The following EPB41L3 variants were observed in gnomAD, a reference collection of about 807,000 sequenced individuals.
The protein encoded by EPB41L3 is erythrocyte membrane protein band 4.1 like 3.
Under a neutral mutation model 127.1 loss-of-function variants are expected in EPB41L3, and 57 were observed. The ratio of observed to expected loss-of-function variants is 0.45; its 90% CI spans 0.36 to 0.56. The LOEUF (loss-of-function observed/expected upper bound fraction) is 0.56, where lower values mean the gene tolerates loss of function less well. EPB41L3 is among the 20% of genes least tolerant of loss of function. EPB41L3 has a pLI of 0.00. For synonymous variants in EPB41L3, 572 were observed against 549.5 expected, an observed-to-expected ratio of 1.04 and a Z score of -0.57; for missense variants, 1,273 against 1,372.2, an observed-to-expected ratio of 0.93 and a Z score of 1.14.
At chr18:5,471,374 T>C (rs936296473) in intron 3 of EPB41L3, among the ~76,000 whole-genome samples, 1 of 152,168 alleles carries the variant, frequency 6.6e-6, no homozygotes, top group East Asian at 1.9e-4. Flanking sequence ...TTAAAGGACT[T>C]CTTCCACAGC....
intron 1 of EPB41L3, among the ~76,000 whole-genome samples, chr18:5,537,212 G>A (rs938693302): frequency 4.0e-5 from 6 of 151,820 alleles, no homozygotes; most frequent in Non-Finnish European, 8.8e-5. Context: ...TGCCTTTTTT[G>A]GTTTTTCTGT....
chr18:5,479,841 C>T (rs1351851799), intron 2 of EPB41L3: 1 of 151,854 alleles, frequency 6.6e-6, no homozygotes. Context: ...CTTTCTATAG[C>T]AAAGTATTAA....
intron 1 of EPB41L3, among the ~76,000 whole-genome samples, chr18:5,507,405 C>T (rs1215731717): frequency 6.6e-6 from 1 of 152,124 alleles, no homozygotes; most frequent in Non-Finnish European, 1.5e-5. Context: ...GATATTCAGA[C>T]ATTAATAAAT....
intron 3 of EPB41L3, among the ~76,000 whole-genome samples, chr18:5,574,708 A>G (rs528786039): frequency 6.6e-6 from 1 of 152,250 alleles, no homozygotes; most frequent in South Asian, 2.1e-4. Context: ...GAGCTTCCCA[A>G]CATATCACGT....
intron 3 of EPB41L3, among the ~76,000 whole-genome samples, chr18:5,611,072 C>T (rs941102486): frequency 2.6e-5 from 4 of 152,164 alleles, no homozygotes; most frequent in Non-Finnish European, 4.4e-5. Flanking sequence ...TTCTGTGATC[C>T]TCAGGTCCAC....
In EPB41L3 at chr18:5,428,722, A is replaced by C. The variant is rs144465316; in HGVS notation, c.913-257T>G. ...TACAAAGTAAATACTGCACACCAAG[A>C]GGGCCCAGCTCATGAAGGTATGTTA... On this transcript the variant is annotated intron_variant, in intron 8 of 22. Transcript: ENST00000341928. Among the ~76,000 whole-genome samples, 437 of 152,338 alleles carry C rather than the reference A, an allele frequency of 2.9e-3. 2 individuals carry two copies. The highest frequency in any genetic ancestry group is 5.4e-3 in the Non-Finnish European group (370 of 68,026).
intron 3 of EPB41L3, chr18:5,467,309 G>A (rs2147343332): frequency 6.6e-6 from 1 of 152,296 alleles, no homozygotes; most frequent in South Asian, 2.1e-4. Context: ...ATAATCATGA[G>A]AGTATAAACC....
At chr18:5,481,045 T>C (rs992698563) in intron 2 of EPB41L3, 2 of 152,182 alleles carry the variant, frequency 1.3e-5, no homozygotes, top group African/African-American at 4.8e-5. Flanking sequence ...AAAACCATGA[T>C]GGCTACAACA....
rs1432420179 is a variant in EPB41L3, at chr18:5,470,360, C to T, written c.381+7881G>A. Among the ~76,000 whole-genome samples the T allele has an allele frequency of 2.0e-5, 3 of 152,232 alleles. No individual in the cohort carries two copies. The East Asian group carries it at 5.8e-4, about 29-fold the overall frequency. ...TAACAAGCGCCCAAGCAAAACTTTACATTAAAGTCCCTGCAAAATGAGTAC... is the reference window on the plus strand; with the variant it reads ...TAACAAGCGCCCAAGCAAAACTTTATATTAAAGTCCCTGCAAAATGAGTAC... On this transcript the variant is annotated intron_variant, in intron 3 of 22. Coordinates refer to ENST00000341928, the MANE Select transcript of EPB41L3 (RefSeq NM_012307.5).
chr18:5,505,054 C>T (rs752479552), intron 1 of EPB41L3, among the ~76,000 whole-genome samples: 4 of 152,178 alleles, frequency 2.6e-5, no homozygotes, highest in Non-Finnish European at 5.9e-5. Context: ...CCCCATGAAA[C>T]GGTCTCCTCC....
intron 13 of EPB41L3, among the ~76,000 whole-genome samples, chr18:5,410,975 T>G (rs774999508): frequency 6.6e-6 from 1 of 152,192 alleles, no homozygotes; most frequent in Non-Finnish European, 1.5e-5. Context: ...TTAAAATGTT[T>G]AATGCAAATA....
chr18:5,527,653 G>A (rs2093274686), intron 1 of EPB41L3, among the ~76,000 whole-genome samples: 1 of 152,218 alleles, frequency 6.6e-6, no homozygotes, highest in Admixed American at 6.5e-5. Flanking sequence ...AGAGGAGCAG[G>A]TTTTGTAGGA....
intron 3 of EPB41L3, among the ~76,000 whole-genome samples, chr18:5,598,909 C>G (rs547377135): frequency 6.6e-6 from 1 of 152,238 alleles, no homozygotes; most frequent in African/African-American, 2.4e-5. Context: ...CTTGAGGACA[C>G]GGACAGCATC....
chr18:5,465,728 C>T (rs1396104503), intron 3 of EPB41L3, among the ~76,000 whole-genome samples: 1 of 152,124 alleles, frequency 6.6e-6, no homozygotes, highest in African/African-American at 2.4e-5. Context: ...CTGAGGACTT[C>T]TGGGGATGAA....
intron 3 of EPB41L3, among the ~76,000 whole-genome samples, chr18:5,564,988 A>G (rs2094179522): frequency 6.6e-6 from 1 of 152,230 alleles, no homozygotes; most frequent in Non-Finnish European, 1.5e-5. Flanking sequence ...AAACGGCCAC[A>G]TAGCAAAATA....
At chr18:5,475,932 C>T (rs76754528) in intron 3 of EPB41L3, among the ~76,000 whole-genome samples, 6,559 of 152,156 alleles carry the variant, frequency 0.043, 313 homozygotes, top group East Asian at 0.25. Flanking sequence ...CACTGAAGCA[C>T]ACCTTCCCTG....
At chr18:5,568,224 C>T (rs1391631653) in intron 3 of EPB41L3, among the ~76,000 whole-genome samples, 2 of 151,228 alleles carry the variant, frequency 1.3e-5, no homozygotes, top group Non-Finnish European at 2.9e-5. Flanking sequence ...AAATTACATG[C>T]TATATAATCA....
chr18:5,534,177 A>G (rs2093501061), intron 1 of EPB41L3, among the ~76,000 whole-genome samples: 1 of 152,222 alleles, frequency 6.6e-6, no homozygotes, highest in Non-Finnish European at 1.5e-5. Context: ...AAAAGAAAAA[A>G]GAAAGAAAAA....
At chr18:5,604,459 C>A (rs547638769) in intron 3 of EPB41L3, among the ~76,000 whole-genome samples, 1 of 152,162 alleles carries the variant, frequency 6.6e-6, no homozygotes, top group African/African-American at 2.4e-5. Flanking sequence ...AAAACCATTT[C>A]TTTCTCTTTT....
Sources: gnomAD v4.1 joint callset for allele counts (sites outside exome capture counted in the v4.1 genomes callset) on GRCh38, gnomAD v4.1.1 for gene constraint, MANE v1.5 for transcripts, NCBI Gene and HGNC (gene_info 2026-07-23, HGNC 2026-07-21) for gene names.